The following ACACA variants were observed in gnomAD, a reference collection of about 807,000 sequenced individuals.
ACACA encodes the protein acetyl-CoA carboxylase 1.
In ACACA, 103 loss-of-function variants were observed where a neutral mutation model predicts 296.1. The observed-to-expected ratio is 0.35, with a 90% CI of 0.30 to 0.41. The LOEUF (loss-of-function observed/expected upper bound fraction) is 0.41, where lower values mean the gene tolerates loss of function less well. Among genes scored for constraint, ACACA ranks in the 10% least tolerant of loss-of-function variants. ACACA has a pLI of 1.00. For missense variants in ACACA, 1,554 were observed against 2,989.7 expected (o/e 0.52, Z 11.20); for synonymous variants, 953 against 1,038.6 (o/e 0.92, Z 1.58).
In ACACA at chr17:37,193,380, C is replaced by T. The variant is rs747662599; in HGVS notation, c.4194G>A (p.Arg1398=). ...GAAAGAAATCAATCCTTACCTTATC[C>T]CTTGCTCGGAATGTAAAAAATTTAG... The part of the protein sequence containing the change: ...EFPKFFTFRA[R]DKFEEDRIYR... The change falls in exon 36 of 56, where the codon AGG becomes AGA. Residue 1398 remains arginine, a synonymous_variant. Coordinates refer to ENST00000616317, the MANE Select transcript of ACACA (RefSeq NM_198834.3). The T allele has an allele frequency of 4.4e-6, 7 of 1,601,520 alleles. No individual in the cohort carries two copies. The Admixed American group carries it at 6.7e-5, about 15-fold the overall frequency.
At chr17:37,267,961 A>G (rs2081869161) in intron 10 of ACACA, among the ~76,000 whole-genome samples, 1 of 152,054 alleles carries the variant, frequency 6.6e-6, no homozygotes, top group Non-Finnish European at 1.5e-5. Flanking sequence ...GGGTTTCATC[A>G]TGTTGGCCAG....
At chr17:37,131,730 G>A (rs2075107125) in intron 45 of ACACA, among the ~76,000 whole-genome samples, 1 of 152,228 alleles carries the variant, frequency 6.6e-6, no homozygotes, top group African/African-American at 2.4e-5. Context: ...ACCTCAGTGT[G>A]ACCCAATTGG....
At chr17:37,095,355 C>A (rs959160471) in intron 54 of ACACA, among the ~76,000 whole-genome samples, 3 of 152,208 alleles carry the variant, frequency 2.0e-5, no homozygotes, top group Admixed American at 1.3e-4. Flanking sequence ...TTAACCTGAA[C>A]CAAATGTCGG....
chr17:37,311,499 G>T (rs1170900060), intron 3 of ACACA, among the ~76,000 whole-genome samples: 1 of 152,020 alleles, frequency 6.6e-6, no homozygotes, highest in Non-Finnish European at 1.5e-5. Context: ...AAGTAAGTTT[G>T]AAATGAGGTG....
At chr17:37,385,587 G>C (rs772363337) in intron 1 of ACACA, among the ~76,000 whole-genome samples, 24 of 152,216 alleles carry the variant, frequency 1.6e-4, no homozygotes, top group Middle Eastern at 6.8e-3. Flanking sequence ...AGTTGATCTA[G>C]ATTCTACTAG....
At chr17:37,184,149 G>A (rs1435248438) in intron 39 of ACACA, among the ~76,000 whole-genome samples, 2 of 152,118 alleles carry the variant, frequency 1.3e-5, no homozygotes, top group Admixed American at 6.6e-5. Flanking sequence ...ACCATGCCCA[G>A]CCAGTCTTTT....
chr17:37,298,408 C>T (rs763763089), intron 3 of ACACA, among the ~76,000 whole-genome samples: 1 of 152,106 alleles, frequency 6.6e-6, no homozygotes, highest in Non-Finnish European at 1.5e-5. Flanking sequence ...TGGAGGGATG[C>T]CAGGCACAGT....
intron 11 of ACACA, among the ~76,000 whole-genome samples, 176 bp from the exon 12 acceptor site, chr17:37,259,706 A>C (rs2081360257): frequency 6.6e-6 from 1 of 152,100 alleles, no homozygotes; most frequent in Admixed American, 6.6e-5. Context: ...TGAAAAACTC[A>C]ATGAAAAATC....
chr17:37,247,344 C>G (rs1319056305), intron 18 of ACACA, among the ~76,000 whole-genome samples: 1 of 151,542 alleles, frequency 6.6e-6, no homozygotes, highest in Non-Finnish European at 1.5e-5. Flanking sequence ...TCTCATAACA[C>G]CATAACTGGT....
chr17:37,327,514 C>T (rs2047675949), intron 3 of ACACA, among the ~76,000 whole-genome samples: 2 of 152,204 alleles, frequency 1.3e-5, no homozygotes, highest in South Asian at 4.1e-4. Context: ...GTAAGGCATG[C>T]AAAGAAATTC....
At chr17:37,184,220 G>A (rs984897961) in intron 39 of ACACA, among the ~76,000 whole-genome samples, 7 of 152,124 alleles carry the variant, frequency 4.6e-5, no homozygotes, top group Admixed American at 1.3e-4. Context: ...CACACAAATC[G>A]TTGTAAACTA....
intron 24 of ACACA, among the ~76,000 whole-genome samples, chr17:37,236,613 T>G (rs1380791585): frequency 6.6e-6 from 1 of 152,034 alleles, no homozygotes; most frequent in Non-Finnish European, 1.5e-5. Context: ...TCACTTGAGG[T>G]CAGACATTTG....
chr17:37,233,806 G>A (rs2079978181), intron 25 of ACACA, among the ~76,000 whole-genome samples: 1 of 152,202 alleles, frequency 6.6e-6, no homozygotes, highest in African/African-American at 2.4e-5. Context: ...GGAAGTTGAA[G>A]TATTACATTG....
chr17:37,386,643 A>G (rs2050544949), intron 1 of ACACA, among the ~76,000 whole-genome samples: 1 of 152,128 alleles, frequency 6.6e-6, no homozygotes, highest in African/African-American at 2.4e-5. Flanking sequence ...AATGTTTGTA[A>G]TTTGACACCA....
At position 37,200,157 on chromosome 17, in the gene ACACA, C is replaced by T. The variant is rs1367162072; in HGVS notation, c.4140G>A (p.Glu1380=). Residue 1380 remains glutamate (E), a synonymous_variant, in exon 35 of 56, where the codon GAG becomes GAA. Transcript: ENST00000616317. ...QKDFRKQVNY[E]VDRRFHREFP... is the part of the protein sequence containing the mutation. ...TACTTACATGAAATCTCCGATCCAC[C>T]TCATAGTTGACCTGCTTTCTGAAAT... 1.2e-6 allele frequency: 2 copies of T among 1,607,668 alleles called. No homozygotes were observed. Among genetic ancestry groups the T allele is most frequent in the Non-Finnish European group, 1.7e-6 (2 of 1,174,312 alleles).
rs1459231139 is a variant in ACACA at position 37,200,476 on chromosome 17, G to A, written c.4064C>T (p.Thr1355Ile). Reference sequence around the variant, plus strand: ...GCGCCGGATCCCATGGTCAACCAGGGTAGCTTTCTAGGAGCAAAAACATGT... The same window carrying A: ...GCGCCGGATCCCATGGTCAACCAGGATAGCTTTCTAGGAGCAAAAACATGT... ...FREFTQQNKA[T>I]LVDHGIRRLT... is the part of the protein sequence containing the mutation. Residue 1355 changes from threonine (T) to isoleucine (I), a missense_variant, in exon 34 of 56, where the codon ACC becomes ATC. By Grantham distance (89) the Thr-to-Ile change is moderately conservative. Coordinates refer to ENST00000616317, the MANE Select transcript of ACACA (RefSeq NM_198834.3). 1.2e-6 allele frequency: 2 copies of A among 1,612,914 alleles called. No individual in the cohort carries two copies. The highest frequency in any genetic ancestry group is 2.2e-5 in the South Asian group (2 of 91,042).
chr17:37,399,971 T>A (rs1031553380), intron 1 of ACACA, among the ~76,000 whole-genome samples: 1 of 152,188 alleles, frequency 6.6e-6, no homozygotes, highest in African/African-American at 2.4e-5. Flanking sequence ...ATAGATGTAC[T>A]CATTGTGGAA....
At chr17:37,088,844 G>T in intron 55 of ACACA, 94 bp downstream of exon 55, 2 of 1,499,242 alleles carry the variant, frequency 1.3e-6, no homozygotes, top group Non-Finnish European at 1.9e-6. Context: ...GAGATCATAA[G>T]ATTTCTGCGA....
chr17:37,217,756 A>AAAC (rs2079089024), intron 29 of ACACA, among the ~76,000 whole-genome samples: 7 of 130,408 alleles, frequency 5.4e-5, no homozygotes, highest in African/African-American at 1.8e-4. Flanking sequence ...AAAAAAAAAA[A>AAAC]AAAAAAAACA....
Sources: gnomAD v4.1 joint callset for allele counts (sites outside exome capture counted in the v4.1 genomes callset) on GRCh38, gnomAD v4.1.1 for gene constraint, MANE v1.5 for transcripts, NCBI Gene and HGNC (gene_info 2026-07-23, HGNC 2026-07-21) for gene names.